The following GLIS1 variants were observed in gnomAD, a reference collection of about 807,000 sequenced individuals.
The protein encoded by GLIS1 is GLIS family zinc finger 1.
In GLIS1, 24 loss-of-function variants were observed where a neutral mutation model predicts 63.8. That is an observed-to-expected ratio of 0.38 (90% CI 0.27 to 0.53). The LOEUF (loss-of-function observed/expected upper bound fraction) is 0.53. Among genes scored for constraint, GLIS1 ranks in the 20% least tolerant of loss-of-function variants. The probability of loss-of-function intolerance (pLI) is 0.85; values close to 1 mark genes in which losing one functional copy is unlikely to be tolerated. For synonymous variants in GLIS1, 450 were observed against 482.5 expected, an observed-to-expected ratio of 0.93 and a Z score of 0.88; for missense variants, 1,036 against 1,074.1, an observed-to-expected ratio of 0.96 and a Z score of 0.50.
intron 2 of GLIS1, among the ~76,000 whole-genome samples, chr1:53,635,642 G>A (rs1258122298): frequency 6.6e-6 from 1 of 151,826 alleles, no homozygotes; most frequent in Non-Finnish European, 1.5e-5. Context: ...ACTACAATAG[G>A]ATCATAAACA....
At chr1:53,648,148 T>G (rs776179947) in intron 2 of GLIS1, among the ~76,000 whole-genome samples, 2 of 152,138 alleles carry the variant, frequency 1.3e-5, no homozygotes, top group South Asian at 4.2e-4. Flanking sequence ...CATTCCAGCC[T>G]GAGCAACAAA....
rs987112694 is a variant in GLIS1, at chr1:53,720,130, C to A, written c.259+17676G>T. ...ACCAGAGGTTGCAATGAGCCAAGAT[C>A]GTGCCACTGCACTCCAGCCTGGGCA... On this transcript the variant is annotated intron_variant, in intron 2 of 10. Transcript: ENST00000628545. Among the ~76,000 whole-genome samples the A allele has an allele frequency of 5.9e-5, 9 of 152,288 alleles. No individual in the cohort carries two copies. The East Asian group carries it at 1.7e-3, about 29-fold the overall frequency.
chr1:53,548,085 C>T (rs555753218), intron 4 of GLIS1, among the ~76,000 whole-genome samples: 76 of 152,380 alleles, frequency 5.0e-4, no homozygotes, highest in African/African-American at 1.8e-3. Context: ...TGTTTTCGCA[C>T]GGGGGGCATT....
At chr1:53,567,492 T>C (rs1247840713) in intron 4 of GLIS1, among the ~76,000 whole-genome samples, 2 of 152,158 alleles carry the variant, frequency 1.3e-5, no homozygotes, top group African/African-American at 2.4e-5. Context: ...TGGGGAGAAA[T>C]TCAAGTCAGC....
At chr1:53,723,550 G>T (rs1289914724) in intron 2 of GLIS1, among the ~76,000 whole-genome samples, 1 of 151,924 alleles carries the variant, frequency 6.6e-6, no homozygotes, top group East Asian at 1.9e-4. Context: ...TTAAATGTAA[G>T]TAATAAGACT....
intron 4 of GLIS1, among the ~76,000 whole-genome samples, chr1:53,553,304 C>T (rs750302122): frequency 1.3e-5 from 2 of 152,076 alleles, no homozygotes; most frequent in Non-Finnish European, 2.9e-5. Flanking sequence ...AGTCTTGGTT[C>T]GCATACCTGC....
chr1:53,668,433 C>T (rs1029015754), intron 2 of GLIS1, among the ~76,000 whole-genome samples: 5 of 152,214 alleles, frequency 3.3e-5, no homozygotes, highest in African/African-American at 9.6e-5. Context: ...ATGATCTCAG[C>T]TCACTGCAAC....
At chr1:53,706,677 A>G (rs1333088704) in intron 2 of GLIS1, among the ~76,000 whole-genome samples, 1 of 152,246 alleles carries the variant, frequency 6.6e-6, no homozygotes, top group African/African-American at 2.4e-5. Context: ...CGTGCCTTGT[A>G]AATATTGTCT....
intron 2 of GLIS1, among the ~76,000 whole-genome samples, chr1:53,727,350 T>C (rs7554636): frequency 0.24 from 36,292 of 150,460 alleles, 4,367 homozygotes; most frequent in African/African-American, 0.28. Flanking sequence ...GTGGAGATCT[T>C]GGGTGTGGAC....
chr1:53,720,998 A>C (rs1159943047), intron 2 of GLIS1, among the ~76,000 whole-genome samples: 5 of 147,632 alleles, frequency 3.4e-5, no homozygotes, highest in Admixed American at 2.7e-4. Context: ...ACCCCATCTC[A>C]AAAAAAAAAA....
Position 53,526,677 on chromosome 1 carries a change from G to A in GLIS1, c.1483-1790C>T, listed in dbSNP as rs1644472851. 6.6e-6 allele frequency among the ~76,000 whole-genome samples: 1 copy of A among 152,228 alleles called. No homozygotes were observed. The highest frequency in any genetic ancestry group is 6.5e-5 in the Admixed American group (1 of 15,290). ...CTGTCCCTGAGCCGGCCCCAGGACTGTCCCTTGGGGATGCTGATACAAATC... is the reference window on the plus strand; with the variant it reads ...CTGTCCCTGAGCCGGCCCCAGGACTATCCCTTGGGGATGCTGATACAAATC... On this transcript the variant is annotated intron_variant, in intron 5 of 10. Transcript: ENST00000628545. The surrounding 1 kb of genome is among the most constrained non-coding windows in gnomAD (Gnocchi z 4.4).
At chr1:53,632,804 GGAGT>G (rs1356691216) in intron 2 of GLIS1, among the ~76,000 whole-genome samples, 8 of 137,240 alleles carry the variant, frequency 5.8e-5, no homozygotes, top group Admixed American at 3.0e-4. Context: ...GGAGAAAGGG[GGAGT>G]GAGAGAGGTG....
chr1:53,675,609 C>T (rs1220185754), intron 2 of GLIS1, among the ~76,000 whole-genome samples: 4 of 152,246 alleles, frequency 2.6e-5, no homozygotes, highest in Admixed American at 6.5e-5. Context: ...ACACAGGTGT[C>T]ACTGACCACC....
At position 53,737,682 on chromosome 1, in the gene GLIS1, A is replaced by G; in HGVS notation, c.259+124T>C. On this transcript the variant is annotated intron_variant, in intron 2 of 10. Transcript: ENST00000628545. ...CACACTGACAAGCTAGTCCCAAACAATAAGAGAGAAACTGAGGAACTCCGA... is the reference window on the plus strand; with the variant it reads ...CACACTGACAAGCTAGTCCCAAACAGTAAGAGAGAAACTGAGGAACTCCGA... 3 of 979,000 alleles carry G rather than the reference A, an allele frequency of 3.1e-6. 1 individual carries two copies. The highest frequency in any genetic ancestry group is 4.0e-6 in the Non-Finnish European group (3 of 758,796). 60.6% of individuals were successfully genotyped at this position (979,000 alleles called of 1,614,324 possible).
chr1:53,643,236 G>GCC (rs1277170156), intron 2 of GLIS1, among the ~76,000 whole-genome samples: 1 of 152,210 alleles, frequency 6.6e-6, no homozygotes, highest in Non-Finnish European at 1.5e-5. Flanking sequence ...TTACACTTGG[G>GCC]CCGCTTCTCT....
intron 4 of GLIS1, among the ~76,000 whole-genome samples, chr1:53,544,039 C>A (rs543155626): frequency 2.0e-4 from 31 of 152,290 alleles, no homozygotes; most frequent in African/African-American, 7.2e-4. Flanking sequence ...CGCAGCCCAG[C>A]CCAGATGCCT....
chr1:53,737,674 C>A, intron 2 of GLIS1, 132 bp downstream of exon 2: 1 of 911,810 alleles, frequency 1.1e-6, no homozygotes, highest in Non-Finnish European at 1.4e-6. Flanking sequence ...ACAAGCTAGT[C>A]CCAAACAATA....
intron 2 of GLIS1, among the ~76,000 whole-genome samples, chr1:53,602,001 A>G (rs1408131360): frequency 2.0e-5 from 3 of 152,108 alleles, no homozygotes; most frequent in South Asian, 2.1e-4. Context: ...AGGTGCTCAT[A>G]TGGGAGCCTC....
intron 4 of GLIS1, among the ~76,000 whole-genome samples, chr1:53,551,022 T>C (rs1266112865): frequency 1.3e-5 from 2 of 152,022 alleles, no homozygotes; most frequent in African/African-American, 4.8e-5. Flanking sequence ...GGCTAATATT[T>C]ATATTTTTAG....
Sources: allele counts gnomAD v4.1 joint callset (sites outside exome capture counted in the v4.1 genomes callset), GRCh38; gene constraint gnomAD v4.1.1; non-coding constraint Gnocchi (gnomAD v3.1); transcripts MANE v1.5; gene names NCBI Gene and HGNC (gene_info 2026-07-23, HGNC 2026-07-21).